Variants in STARD13 observed in about 807,000 individuals in gnomAD.
STARD13 encodes stAR-related lipid transfer protein 13.
In STARD13, 62 loss-of-function variants were observed where a neutral mutation model predicts 106.4. That is an observed-to-expected ratio of 0.58 (90% CI 0.48 to 0.72). The LOEUF (loss-of-function observed/expected upper bound fraction) is 0.72. Among genes scored for constraint, STARD13 ranks in the 30% least tolerant of loss-of-function variants. The pLI is 0.00. For missense variants in STARD13, 1,387 were observed against 1,424.0 expected (o/e 0.97, Z 0.42); for synonymous variants, 565 against 553.0 (o/e 1.02, Z -0.31).
At chr13:33,477,235 G>C in the STARD13 span, among the ~76,000 whole-genome samples, 1 of 152,158 alleles carries the variant, frequency 6.6e-6, no homozygotes, top group Non-Finnish European at 1.5e-5. Flanking sequence ...TCAGCTTTTG[G>C]TTTTGGGCTC....
the STARD13 span, among the ~76,000 whole-genome samples, chr13:33,426,699 A>G: frequency 6.6e-6 from 1 of 151,996 alleles, no homozygotes; most frequent in Non-Finnish European, 1.5e-5. Context: ...AAATATTTGT[A>G]TTTGCTATCT....
intron 1 of STARD13, among the ~76,000 whole-genome samples, chr13:33,241,402 A>C (rs1035504555): frequency 6.6e-6 from 1 of 152,204 alleles, no homozygotes; most frequent in Non-Finnish European, 1.5e-5. Context: ...ATTAATAAAA[A>C]CTGCATTTTT....
the STARD13 span, among the ~76,000 whole-genome samples, chr13:33,531,017 T>C: frequency 6.7e-6 from 1 of 149,176 alleles, no homozygotes; most frequent in Non-Finnish European, 1.5e-5. Flanking sequence ...CAATTCCACA[T>C]GTTGTGGGAG....
chr13:33,464,043 G>GTATATATATATA, the STARD13 span, among the ~76,000 whole-genome samples: 1 of 112,758 alleles, frequency 8.9e-6, no homozygotes, highest in Non-Finnish European at 1.9e-5. Flanking sequence ...ATATATATAT[G>GTATATATATATA]TATATGTATA....
chr13:33,441,449 G>T, the STARD13 span, among the ~76,000 whole-genome samples: 3 of 152,162 alleles, frequency 2.0e-5, no homozygotes, highest in African/African-American at 7.2e-5. Context: ...CAGAAAGACA[G>T]TTCCTAGCCA....
At chr13:33,170,868 T>C (rs1433569204) in intron 1 of STARD13, among the ~76,000 whole-genome samples, 2 of 152,156 alleles carry the variant, frequency 1.3e-5, no homozygotes, top group African/African-American at 4.8e-5. Context: ...AATTAACCCC[T>C]ATCAAATCTG....
intron 8 of STARD13, chr13:33,113,687 G>A (rs942885265): frequency 1.1e-5 from 5 of 443,130 alleles, no homozygotes; most frequent in Non-Finnish European, 1.8e-5. Flanking sequence ...GGCAGCCTAA[G>A]GTTATGGGGG....
chr13:33,584,162 T>C, the STARD13 span, among the ~76,000 whole-genome samples: 1 of 152,216 alleles, frequency 6.6e-6, no homozygotes, highest in South Asian at 2.1e-4. Context: ...TTTTTGATAG[T>C]AGCCCTCTGT....
the STARD13 span, among the ~76,000 whole-genome samples, chr13:33,423,903 T>C: frequency 6.6e-6 from 1 of 151,972 alleles, no homozygotes; most frequent in Non-Finnish European, 1.5e-5. Flanking sequence ...ATGAGAACAC[T>C]TGGACACAGG....
chr13:33,307,204 G>T (rs148813251), intron 1 of STARD13, among the ~76,000 whole-genome samples: 1 of 152,174 alleles, frequency 6.6e-6, no homozygotes, highest in Non-Finnish European at 1.5e-5. Flanking sequence ...TTACACGGTC[G>T]GTGGGGATGC....
At chr13:33,347,862 T>C (rs193210808), downstream of STARD13, among the ~76,000 whole-genome samples, 34 of 152,342 alleles carry the variant, frequency 2.2e-4, no homozygotes, top group African/African-American at 7.9e-4. Context: ...AAAGAACACT[T>C]TTACAAATGA....
upstream of STARD13, among the ~76,000 whole-genome samples, chr13:33,353,374 G>T (rs750014677): frequency 3.3e-5 from 5 of 152,102 alleles, no homozygotes; most frequent in Non-Finnish European, 7.3e-5. Context: ...TCCTTTCCAG[G>T]GTGCATGGAC....
At chr13:33,301,375 C>T (rs927980492) in intron 1 of STARD13, among the ~76,000 whole-genome samples, 13 of 152,282 alleles carry the variant, frequency 8.5e-5, no homozygotes, top group Admixed American at 7.8e-4. Flanking sequence ...TGTCTTCTCT[C>T]TCTTCTTCTG....
the STARD13 span, among the ~76,000 whole-genome samples, chr13:33,424,941 T>C: frequency 6.6e-6 from 1 of 152,218 alleles, no homozygotes; most frequent in East Asian, 1.9e-4. Flanking sequence ...AATTAAAAGA[T>C]GACTTTAAAA....
chr13:33,451,233 A>C, the STARD13 span, among the ~76,000 whole-genome samples: 1 of 152,206 alleles, frequency 6.6e-6, no homozygotes, highest in Non-Finnish European at 1.5e-5. Flanking sequence ...AAGAGTGGAA[A>C]GTGATAGGGT....
the STARD13 span, among the ~76,000 whole-genome samples, chr13:33,482,406 C>G: frequency 6.6e-6 from 1 of 152,120 alleles, no homozygotes; most frequent in Admixed American, 6.5e-5. Flanking sequence ...AATCCATTCC[C>G]GTTGCCCATC....
intron 1 of STARD13, among the ~76,000 whole-genome samples, chr13:33,197,282 T>C (rs1448911202): frequency 6.6e-6 from 1 of 152,218 alleles, no homozygotes; most frequent in Admixed American, 6.5e-5. Context: ...GGCACACTCA[T>C]ATCCCATGTG....
At chr13:33,429,973 A>T in the STARD13 span, among the ~76,000 whole-genome samples, 4 of 150,376 alleles carry the variant, frequency 2.7e-5, no homozygotes, top group Non-Finnish European at 5.9e-5. Context: ...GCTGGAGTGC[A>T]GTGGCGCGAT....
At chr13:33,208,939 T>C (rs747644080) in intron 1 of STARD13, among the ~76,000 whole-genome samples, 6 of 152,204 alleles carry the variant, frequency 3.9e-5, no homozygotes, top group Non-Finnish European at 8.8e-5. Flanking sequence ...TAAATTATGG[T>C]ACAGCCACAT....
Sources: gnomAD v4.1 joint callset for allele counts (sites outside exome capture counted in the v4.1 genomes callset) on GRCh38, gnomAD v4.1.1 for gene constraint, MANE v1.5 for transcripts, NCBI Gene and HGNC (gene_info 2026-07-23, HGNC 2026-07-21) for gene names.